The following NEURL1 variants were observed in gnomAD, a reference collection of about 807,000 sequenced individuals.
The protein encoded by NEURL1 is neuralized E3 ubiquitin protein ligase 1.
Under a neutral mutation model 41.2 loss-of-function variants are expected in NEURL1, and 26 were observed. That is an observed-to-expected ratio of 0.63 (90% CI 0.46 to 0.87). The LOEUF (loss-of-function observed/expected upper bound fraction) is 0.87, where lower values mean the gene tolerates loss of function less well. NEURL1 is among the 40% of genes least tolerant of loss of function. NEURL1 has a pLI of 0.00. For missense variants in NEURL1, 761 were observed against 871.1 expected, an observed-to-expected ratio of 0.87 and a Z score of 1.59; for synonymous variants, 400 against 402.3, an observed-to-expected ratio of 0.99 and a Z score of 0.07.
chr10:103,514,096 CT>C (rs1179059344), intron 1 of NEURL1, among the ~76,000 whole-genome samples: 11 of 151,848 alleles, frequency 7.2e-5, no homozygotes, highest in Non-Finnish European at 7.4e-5. Context: ...GGGGATGTTT[CT>C]TTTTCTTTTT....
In NEURL1 at chr10:103,551,590, C is replaced by T. The variant is rs530204293; in HGVS notation, c.86-19282C>T. On this transcript the variant is annotated intron_variant, in intron 1 of 5. Transcript: ENST00000369780. ...AAGTGCTGGGATTACAGGTGTAAGCCACTGTGCCCGGCCCCAAATGAAATT... is the reference window on the plus strand; with the variant it reads ...AAGTGCTGGGATTACAGGTGTAAGCTACTGTGCCCGGCCCCAAATGAAATT... Among the ~76,000 whole-genome samples the T allele has an allele frequency of 2.4e-3, 368 of 152,278 alleles. 7 individuals are homozygous for T. Among genetic ancestry groups the T allele is most frequent in the Middle Eastern group, 0.01 (3 of 294 alleles).
chr10:103,525,875 T>G (rs1227401808), intron 1 of NEURL1, among the ~76,000 whole-genome samples: 3 of 152,220 alleles, frequency 2.0e-5, no homozygotes, highest in African/African-American at 7.2e-5. Context: ...TGATGTTGGC[T>G]ATGATTTTGT....
At chr10:103,577,003 T>C (rs1309568767) in intron 3 of NEURL1, among the ~76,000 whole-genome samples, 1 of 152,114 alleles carries the variant, frequency 6.6e-6, no homozygotes, top group Admixed American at 6.5e-5. Context: ...GGCCTTCTGC[T>C]TCCCAGGCTA....
At chr10:103,551,733 A>C (rs369185109) in intron 1 of NEURL1, among the ~76,000 whole-genome samples, 13 of 152,214 alleles carry the variant, frequency 8.5e-5, no homozygotes, top group African/African-American at 3.1e-4. Context: ...AGGAGAGGGA[A>C]GCCTCAGACA....
chr10:103,557,080 G>A (rs974091020), intron 1 of NEURL1, among the ~76,000 whole-genome samples: 10 of 152,136 alleles, frequency 6.6e-5, no homozygotes, highest in African/African-American at 2.4e-4. Context: ...ATGTCTTCCC[G>A]AGCCTCAGTT....
At chr10:103,530,131 T>C (rs2034539646) in intron 1 of NEURL1, among the ~76,000 whole-genome samples, 1 of 152,182 alleles carries the variant, frequency 6.6e-6, no homozygotes, top group African/African-American at 2.4e-5. Context: ...TTATGTTTAT[T>C]CTCTCAAAAA....
chr10:103,549,046 G>A (rs752690120), intron 1 of NEURL1: 2 of 152,340 alleles, frequency 1.3e-5, no homozygotes, highest in African/African-American at 2.4e-5. Flanking sequence ...TAGAAACCTG[G>A]TTTCTTCCTT....
At chr10:103,567,162 T>G (rs904409370) in intron 1 of NEURL1, among the ~76,000 whole-genome samples, 8 of 151,892 alleles carry the variant, frequency 5.3e-5, no homozygotes, top group Non-Finnish European at 1.2e-4. Context: ...TTTTGTATTT[T>G]TAGTAGAGAC....
chr10:103,554,448 G>A (rs1217187712), intron 1 of NEURL1, among the ~76,000 whole-genome samples: 5 of 152,150 alleles, frequency 3.3e-5, no homozygotes, highest in Non-Finnish European at 7.4e-5. Context: ...GAATAGTGCA[G>A]GTCTGTGTTG....
At chr10:103,575,172 C>T (rs1230447181) in intron 3 of NEURL1, among the ~76,000 whole-genome samples, 2 of 151,958 alleles carry the variant, frequency 1.3e-5, no homozygotes, top group Admixed American at 1.3e-4. Flanking sequence ...CCCCACTTCC[C>T]GCCCCTCCCT....
chr10:103,584,820 A>T lies in NEURL1; in HGVS notation c.934A>T (p.Thr312Ser), dbSNP rs1355582547. The change falls in exon 4 of 6, where the codon ACG becomes TCG. Residue 312 changes from threonine to serine, a missense_variant. Thr to Ser is a moderately conservative substitution (Grantham distance 58). Coordinates refer to ENST00000369780, the MANE Select transcript of NEURL1 (RefSeq NM_004210.5). ...GCACGTCCGCATCCTCGACGAGCAGACGGTGGCGCGCGTGGAGCACGGGCG... is the reference window on the plus strand; with the variant it reads ...GCACGTCCGCATCCTCGACGAGCAGTCGGTGGCGCGCGTGGAGCACGGGCG... ...GAHVRILDEQ[T>S]VARVEHGRDE... 2.8e-6 allele frequency: 4 copies of T among 1,419,666 alleles called. No individual in the cohort carries two copies. Among genetic ancestry groups the T allele is most frequent in the Non-Finnish European group, 3.7e-6 (4 of 1,094,668 alleles). The allele number at this position is 1,419,666 out of a possible 1,614,324, so 87.9% of individuals were successfully genotyped here. A position where few individuals can be genotyped will look rare whatever the true frequency, so the allele number is the denominator to read the frequency against.
intron 1 of NEURL1, among the ~76,000 whole-genome samples, chr10:103,562,123 G>A (rs900711604): frequency 6.6e-6 from 1 of 152,238 alleles, no homozygotes; most frequent in African/African-American, 2.4e-5. Flanking sequence ...CATGGCTTAC[G>A]CCTGTAATCC....
At chr10:103,498,074 T>C (rs1240211560) in intron 1 of NEURL1, among the ~76,000 whole-genome samples, 2 of 152,168 alleles carry the variant, frequency 1.3e-5, no homozygotes, top group African/African-American at 4.8e-5. Context: ...AAAGTATATG[T>C]ATATGGAAGT....
In NEURL1 at chr10:103,567,799, C is replaced by G. The variant is rs117870126; in HGVS notation, c.86-3073C>G. ...TGGTTCTGTGACCCTGGGCAAGCCACTTAATCTCCCTGAGGCACATATTTG... is the reference window on the plus strand; with the variant it reads ...TGGTTCTGTGACCCTGGGCAAGCCAGTTAATCTCCCTGAGGCACATATTTG... On this transcript the variant is annotated intron_variant, in intron 1 of 5. Transcript: ENST00000369780. Among the ~76,000 whole-genome samples the G allele has an allele frequency of 4.7e-4, 72 of 152,310 alleles. No homozygotes were observed. In the East Asian group the frequency reaches 0.012, roughly 25 times the overall value.
At position 103,524,769 on chromosome 10, in the gene NEURL1, T is replaced by C. The variant is rs960159149; in HGVS notation, c.85+30297T>C. On this transcript the variant is annotated intron_variant, in intron 1 of 5. Coordinates refer to ENST00000369780, the MANE Select transcript of NEURL1 (RefSeq NM_004210.5). ...CAGTTTTGCTATAAATACATGGGTT[T>C]ATGTCTGGATTTCCTATTCTGTTCC... Among the ~76,000 whole-genome samples, 4 of 152,222 alleles carry C rather than the reference T, an allele frequency of 2.6e-5. No homozygotes were observed. In the East Asian group the frequency reaches 7.7e-4, roughly 29 times the overall value.
chr10:103,555,250 T>C, intron 1 of NEURL1: 1 of 987,744 alleles, frequency 1.0e-6, no homozygotes, highest in Non-Finnish European at 1.2e-6. Context: ...GGGAGGGGCC[T>C]CGGCCCTGCC....
intron 1 of NEURL1, among the ~76,000 whole-genome samples, chr10:103,532,920 C>CTTTTTTTTTTTTTTTTTT (rs144783148): frequency 3.1e-5 from 2 of 63,570 alleles, no homozygotes; most frequent in African/African-American, 6.9e-5. Context: ...TTCTCTTCTC[C>CTTTTTTTTTTTTTTTTTT]TTTTTTTTTT....
intron 1 of NEURL1, among the ~76,000 whole-genome samples, chr10:103,536,266 G>A (rs550982116): frequency 4.3e-4 from 65 of 152,250 alleles, no homozygotes; most frequent in African/African-American, 1.5e-3. Flanking sequence ...AATGTTGACC[G>A]GGCGCTGTGG....
chr10:103,518,904 T>C (rs561153687), intron 1 of NEURL1, among the ~76,000 whole-genome samples: 273 of 152,334 alleles, frequency 1.8e-3, no homozygotes, highest in Non-Finnish European at 3.1e-3. Context: ...CACAAATCAG[T>C]ACTGTTATAT....
Sources: gnomAD v4.1 joint callset for allele counts (sites outside exome capture counted in the v4.1 genomes callset) on GRCh38, gnomAD v4.1.1 for gene constraint, MANE v1.5 for transcripts, NCBI Gene and HGNC (gene_info 2026-07-23, HGNC 2026-07-21) for gene names.